SNTG1: variants seen among roughly 807,000 people sequenced by gnomAD.
SNTG1 encodes syntrophin gamma 1, also known as gamma-1-syntrophin.
Under a neutral mutation model 74.7 loss-of-function variants are expected in SNTG1, and 39 were observed. The ratio of observed to expected loss-of-function variants is 0.52; its 90% confidence interval spans 0.40 to 0.68. SNTG1 has a LOEUF of 0.68. SNTG1 is among the 30% of genes least tolerant of loss of function. The pLI, the probability that SNTG1 is intolerant of heterozygous loss-of-function variation, is 0.00. For missense variants in SNTG1, 685 were observed against 609.5 expected (o/e 1.12, Z -1.30); for synonymous variants, 254 against 217.1 (o/e 1.17, Z -1.49).
intron 8 of SNTG1, among the ~76,000 whole-genome samples, chr8:50,500,804 T>TG (rs1247331430): frequency 2.0e-5 from 3 of 152,146 alleles, no homozygotes; most frequent in Non-Finnish European, 4.4e-5. Flanking sequence ...TGTTCCCTGC[T>TG]GGGATTGTTT....
chr8:50,611,072 T>C (rs2094846441), intron 13 of SNTG1, among the ~76,000 whole-genome samples: 1 of 152,104 alleles, frequency 6.6e-6, no homozygotes, highest in Non-Finnish European at 1.5e-5. Context: ...AGATTATATA[T>C]AGTCACGAGG....
chr8:50,441,294 G>A (rs2093355506), intron 5 of SNTG1, among the ~76,000 whole-genome samples: 1 of 151,954 alleles, frequency 6.6e-6, no homozygotes, highest in South Asian at 2.1e-4. Flanking sequence ...TACCTTGTAG[G>A]GTACAAGTTG....
At chr8:50,012,194 C>T (rs1815878288) in intron 1 of SNTG1, among the ~76,000 whole-genome samples, 1 of 152,118 alleles carries the variant, frequency 6.6e-6, no homozygotes, top group Non-Finnish European at 1.5e-5. Context: ...ACCACATGAG[C>T]ACATTGGCTT....
intron 17 of SNTG1, among the ~76,000 whole-genome samples, chr8:50,718,622 A>G (rs1193213076): frequency 1.3e-5 from 2 of 152,078 alleles, no homozygotes; most frequent in African/African-American, 2.4e-5. Context: ...CTAATGCGCA[A>G]TTCTATTTTA....
intron 2 of SNTG1, among the ~76,000 whole-genome samples, chr8:50,223,413 T>C (rs558356241): frequency 1.3e-5 from 2 of 152,176 alleles, no homozygotes; most frequent in East Asian, 3.9e-4. Flanking sequence ...AATACACAGA[T>C]GCAAAGTAAT....
chr8:49,915,344 G>A (rs1273546192), intron 1 of SNTG1, among the ~76,000 whole-genome samples: 1 of 152,056 alleles, frequency 6.6e-6, no homozygotes, highest in Non-Finnish European at 1.5e-5. Context: ...ATTTCCAATA[G>A]CATTCATTCA....
intron 15 of SNTG1, among the ~76,000 whole-genome samples, chr8:50,675,304 TG>T (rs1407216187): frequency 6.6e-6 from 1 of 152,096 alleles, no homozygotes; most frequent in East Asian, 1.9e-4. Context: ...TAAGTTTCTT[TG>T]TAGGTCTCTA....
chr8:50,190,285 T>C (rs2083521734), intron 2 of SNTG1, among the ~76,000 whole-genome samples: 1 of 152,156 alleles, frequency 6.6e-6, no homozygotes, highest in South Asian at 2.1e-4. Context: ...ATACAGCTGT[T>C]AACCATATTT....
At chr8:50,212,486 A>G (rs1002479141) in intron 2 of SNTG1, among the ~76,000 whole-genome samples, 1 of 152,174 alleles carries the variant, frequency 6.6e-6, no homozygotes, top group Non-Finnish European at 1.5e-5. Context: ...CTCTGAGCAC[A>G]TAAGTAATGT....
At chr8:49,923,887 CTT>C (rs1244800665) in intron 1 of SNTG1, among the ~76,000 whole-genome samples, 5 of 152,196 alleles carry the variant, frequency 3.3e-5, no homozygotes, top group African/African-American at 7.2e-5. Context: ...GTTTTAATGA[CTT>C]TTAATAAAGT....
At chr8:49,915,040 C>A (rs1805899473) in intron 1 of SNTG1, 1 of 152,188 alleles carries the variant, frequency 6.6e-6, no homozygotes, top group Non-Finnish European at 1.5e-5. Context: ...ACATGTTACA[C>A]ATCATGTTGT....
intron 1 of SNTG1, chr8:50,163,704 C>G (rs969363758): frequency 6.6e-6 from 1 of 152,100 alleles, no homozygotes; most frequent in Non-Finnish European, 1.5e-5. Flanking sequence ...AGGATTGTCT[C>G]GATCTCCTGA....
rs1292611857 is a variant in SNTG1, at chr8:50,101,758, T to C, written c.-102-70803T>C. On this transcript the variant is annotated intron_variant, in intron 1 of 18. Transcript: ENST00000642720. ...AGAGTGTAATGTTCCCCTTCCTGTG[T>C]CCATGTGTTCTCATTGTTCAATTCC... is the stretch of plus-strand genomic sequence containing the variant. Among the ~76,000 whole-genome samples, 4 of 151,992 alleles carry C rather than the reference T, an allele frequency of 2.6e-5. No homozygotes were observed. In the East Asian group the frequency reaches 5.8e-4, roughly 22 times the overall value.
chr8:50,281,365 A>G (rs1434490352), intron 2 of SNTG1, among the ~76,000 whole-genome samples: 1 of 152,172 alleles, frequency 6.6e-6, no homozygotes, highest in Non-Finnish European at 1.5e-5. Context: ...CCCTTGGTTC[A>G]TAGGGGGGTT....
At chr8:50,241,550 G>C (rs1225999978) in intron 2 of SNTG1, among the ~76,000 whole-genome samples, 1 of 152,170 alleles carries the variant, frequency 6.6e-6, no homozygotes. Context: ...TTAGGTGGGT[G>C]GTGTCTGATG....
At chr8:50,032,912 C>T (rs1241848446) in intron 1 of SNTG1, among the ~76,000 whole-genome samples, 3 of 152,084 alleles carry the variant, frequency 2.0e-5, no homozygotes, top group Non-Finnish European at 4.4e-5. Flanking sequence ...CTGGTCCCAT[C>T]CCCAATAATC....
At chr8:50,340,427 G>T (rs1004320452) in intron 2 of SNTG1, among the ~76,000 whole-genome samples, 1 of 151,946 alleles carries the variant, frequency 6.6e-6, no homozygotes, top group African/African-American at 2.4e-5. Context: ...CTGCACAAAT[G>T]TAGTCAATTG....
intron 8 of SNTG1, among the ~76,000 whole-genome samples, chr8:50,461,627 T>C (rs949805915): frequency 6.6e-6 from 1 of 152,240 alleles, no homozygotes; most frequent in Non-Finnish European, 1.5e-5. Flanking sequence ...ACTGGTCAAC[T>C]GGTTCCAGTT....
In SNTG1 at chr8:50,551,599, T is replaced by C. The variant is rs894992107; in HGVS notation, c.681-1451T>C. Reference sequence around the variant, plus strand: ...TGGTTAAACTTCTGTCTGAATACTTTAAACATCATACTTGCCATTATACAT... The same window carrying C: ...TGGTTAAACTTCTGTCTGAATACTTCAAACATCATACTTGCCATTATACAT... On this transcript the variant is annotated intron_variant, in intron 11 of 18. Coordinates refer to ENST00000642720, the MANE Select transcript of SNTG1 (RefSeq NM_018967.5). Among the ~76,000 whole-genome samples, 3 of 152,224 alleles carry C rather than the reference T, an allele frequency of 2.0e-5. No individual in the cohort carries two copies. In the East Asian group the frequency reaches 5.8e-4, roughly 29 times the overall value.
Sources: gnomAD v4.1 joint callset for allele counts (sites outside exome capture counted in the v4.1 genomes callset) on GRCh38, gnomAD v4.1.1 for gene constraint, MANE v1.5 for transcripts, NCBI Gene and HGNC (gene_info 2026-07-23, HGNC 2026-07-21) for gene names.